Variants in ATP8B1 observed in about 807,000 individuals in gnomAD.
ATP8B1 encodes the protein phospholipid-transporting ATPase IC.
ATP8B1 carries 80 observed loss-of-function variants against 149.9 expected under a neutral mutation model. That is an observed-to-expected ratio of 0.53 (90% CI 0.45 to 0.64). The LOEUF (loss-of-function observed/expected upper bound fraction) is 0.64. Among genes scored for constraint, ATP8B1 ranks in the 30% least tolerant of loss-of-function variants. The probability of loss-of-function intolerance (pLI) is 0.00; values close to 1 mark genes in which losing one functional copy is unlikely to be tolerated. For synonymous variants in ATP8B1, 536 were observed against 562.8 expected, an observed-to-expected ratio of 0.95 and a Z score of 0.67; for missense variants, 1,247 against 1,552.6, an observed-to-expected ratio of 0.80 and a Z score of 3.31.
chr18:57,686,201 T>C (rs1160173083), intron 13 of ATP8B1, among the ~76,000 whole-genome samples: 6 of 151,748 alleles, frequency 4.0e-5, no homozygotes, highest in Non-Finnish European at 7.4e-5. Context: ...GGCGGAGGGG[T>C]TGCAGTGAGC....
At chr18:57,713,522 ACT>A (rs1471529402) in intron 2 of ATP8B1, among the ~76,000 whole-genome samples, 1 of 144,710 alleles carries the variant, frequency 6.9e-6, no homozygotes, top group Non-Finnish European at 1.5e-5. Context: ...ATGGTTTCTC[ACT>A]CTGTCACCCA....
intron 1 of ATP8B1, among the ~76,000 whole-genome samples, chr18:57,758,913 T>C (rs1327255469): frequency 6.6e-6 from 1 of 151,886 alleles, no homozygotes; most frequent in Admixed American, 6.6e-5. Context: ...ATCCCAGCAC[T>C]TTGGGAGGTT....
chr18:57,679,898 C>T (rs1911841857), intron 15 of ATP8B1, among the ~76,000 whole-genome samples: 1 of 151,970 alleles, frequency 6.6e-6, no homozygotes, highest in African/African-American at 2.4e-5. Context: ...CTCCTGACCT[C>T]AGGTGATCCG....
Position 57,784,806 on chromosome 18 carries a change from C to A in ATP8B1, c.-26+18192G>T, listed in dbSNP as rs1410342163. 1.3e-5 allele frequency among the ~76,000 whole-genome samples: 2 copies of A among 152,140 alleles called. No homozygotes were observed. On this transcript the variant is annotated intron_variant, in intron 1 of 27. Transcript: ENST00000648908. The surrounding 1 kb of genome is among the most constrained non-coding windows in gnomAD (Gnocchi z 4.4). ...CCCTAGTGACGTTTTGGGTAAGATA[C>A]TTCTTTGTTGTAGAGGCTGAGCTGC...
Position 57,731,985 on chromosome 18 carries a change from G to A in ATP8B1, c.-25-153C>T, listed in dbSNP as rs2459773. On this transcript the variant is annotated intron_variant, in intron 1 of 27. Coordinates refer to ENST00000648908, the MANE Select transcript of ATP8B1 (RefSeq NM_001374385.1). ...ACCCCCAAATTCAACTTGACATGAA[G>A]ACAAGAACAAAACCATTCAGTACTG... 0.99 allele frequency: 699,948 copies of A among 703,748 alleles called. 348,173 individuals are homozygous for A. Among genetic ancestry groups the A allele is most frequent in the East Asian group, 1 (35,524 of 35,524 alleles). 43.6% of individuals were successfully genotyped at this position (703,748 alleles called of 1,614,324 possible).
chr18:57,731,553 A>G (rs1347984332), intron 2 of ATP8B1, 74 bp downstream of exon 2: 28 of 1,525,266 alleles, frequency 1.8e-5, no homozygotes, highest in African/African-American at 4.1e-5. Context: ...TAGACCGATC[A>G]TCTTTGGCAC....
chr18:57,775,967 C>T (rs1049578150), intron 1 of ATP8B1, among the ~76,000 whole-genome samples: 19 of 152,106 alleles, frequency 1.2e-4, no homozygotes, highest in African/African-American at 4.1e-4. Flanking sequence ...AAAATCTATC[C>T]ATTCATGTGC....
Position 57,648,534 on chromosome 18 carries a change from A to G in ATP8B1, c.3710T>C (p.Ile1237Thr), listed in dbSNP as rs1402442966. 3 of 1,611,426 alleles carry G rather than the reference A, an allele frequency of 1.9e-6. No homozygotes were observed. The highest frequency in any genetic ancestry group is 2.5e-6 in the Non-Finnish European group (3 of 1,179,992). Residue 1237 changes from isoleucine (I) to threonine (T), a missense_variant, in exon 28 of 28, where the codon ATC (isoleucine) becomes ACC (threonine). Ile to Thr is a moderately conservative substitution (Grantham distance 89, BLOSUM62 -1). Around this residue, in one of 3 missense-constraint regions of ATP8B1, gnomAD observed 164 missense variants for 160.3 expected, o/e 1.02. Transcript: ENST00000648908. Reference sequence around the variant, plus strand: ...GTACTCCGCGGTGCCATCCGCCACGATGGCATCAAGCGGCGAGCGCTTCTT... The same window carrying G: ...GTACTCCGCGGTGCCATCCGCCACGGTGGCATCAAGCGGCGAGCGCTTCTT... Reference protein sequence around the residue: ...IRKKRSPLDAIVADGTAEYRR... With the variant: ...IRKKRSPLDATVADGTAEYRR...
chr18:57,697,536 TG>T, intron 8 of ATP8B1, 81 bp downstream of exon 8: 2 of 1,448,778 alleles, frequency 1.4e-6, no homozygotes, highest in Non-Finnish European at 1.9e-6. Context: ...TCAAGCCGTC[TG>T]GTCCACAATG....
chr18:57,703,627 T>C (rs1913239379), intron 4 of ATP8B1, among the ~76,000 whole-genome samples: 1 of 151,780 alleles, frequency 6.6e-6, no homozygotes, highest in South Asian at 2.1e-4. Context: ...ATTCTGAGCT[T>C]AAGCTATGTA....
rs1409795959 is a variant in ATP8B1, at chr18:57,802,578, G to A, written c.-26+420C>T. Reference sequence around the variant, plus strand: ...TCTGCTCCCAAAGAGCGCCCCAGCAGGACCCGGTCACCGGGGTCTTCCAGA... The same window carrying A: ...TCTGCTCCCAAAGAGCGCCCCAGCAAGACCCGGTCACCGGGGTCTTCCAGA... On this transcript the variant is annotated intron_variant, in intron 1 of 27. Transcript: ENST00000648908. The surrounding 1 kb of genome is among the most constrained non-coding windows in gnomAD (Gnocchi z 4.9). Among the ~76,000 whole-genome samples the A allele has an allele frequency of 6.6e-6, 1 of 152,220 alleles. No homozygotes were observed. Among genetic ancestry groups the A allele is most frequent in the Non-Finnish European group, 1.5e-5 (1 of 68,040 alleles).
chr18:57,736,545 T>G (rs1334401398), intron 1 of ATP8B1, among the ~76,000 whole-genome samples: 1 of 147,970 alleles, frequency 6.8e-6, no homozygotes, highest in Non-Finnish European at 1.5e-5. Flanking sequence ...ATTGCAGCAT[T>G]GAACTCTTGG....
intron 10 of ATP8B1, 49 bp from the exon 11 acceptor site, chr18:57,694,719 A>G (rs1912715645): frequency 8.2e-7 from 1 of 1,218,314 alleles, no homozygotes. Context: ...AAATCAATTC[A>G]CTAGCTCACC....
chr18:57,672,932 A>ACATATATCT (rs1491183286), intron 16 of ATP8B1, among the ~76,000 whole-genome samples: 29 of 32,100 alleles, frequency 9.0e-4, no homozygotes, highest in African/African-American at 2.7e-3. Context: ...ATATATATAT[A>ACATATATCT]ACATGTATAT....
At chr18:57,785,303 G>C (rs1026773185) in intron 1 of ATP8B1, among the ~76,000 whole-genome samples, 1 of 152,150 alleles carries the variant, frequency 6.6e-6, no homozygotes, top group Non-Finnish European at 1.5e-5. Context: ...TCAGAGTTAT[G>C]GGATGGTGTT....
At chr18:57,657,683 G>A (rs1484349741) in intron 22 of ATP8B1, among the ~76,000 whole-genome samples, 1 of 152,192 alleles carries the variant, frequency 6.6e-6, no homozygotes, top group Admixed American at 6.5e-5. Flanking sequence ...TGCCAAACTT[G>A]CTCTTTCCTG....
intron 12 of ATP8B1, among the ~76,000 whole-genome samples, chr18:57,689,710 G>A (rs1395392324): frequency 6.6e-6 from 1 of 152,140 alleles, no homozygotes; most frequent in Non-Finnish European, 1.5e-5. Context: ...AGAGGTGAAA[G>A]TTCTCTGCAG....
chr18:57,759,328 G>A (rs948073654), intron 1 of ATP8B1, among the ~76,000 whole-genome samples: 1 of 152,050 alleles, frequency 6.6e-6, no homozygotes, highest in African/African-American at 2.4e-5. Context: ...TTACTGCAGT[G>A]AATTTATCAA....
At chr18:57,649,947 A>G (rs921229828) in intron 27 of ATP8B1, among the ~76,000 whole-genome samples, 1 of 152,152 alleles carries the variant, frequency 6.6e-6, no homozygotes, top group African/African-American at 2.4e-5. Flanking sequence ...GAAGCCTACT[A>G]ATGATTAATG....
Sources: gnomAD v4.1 joint callset for allele counts (sites outside exome capture counted in the v4.1 genomes callset) on GRCh38, gnomAD v4.1.1 for gene constraint, gnomAD v4.1.1 regional missense constraint, Gnocchi (gnomAD v3.1) non-coding constraint, MANE v1.5 for transcripts, NCBI Gene and HGNC (gene_info 2026-07-23, HGNC 2026-07-21) for gene names.